NRXN3: variants seen among roughly 807,000 people sequenced by gnomAD.
NRXN3 encodes the protein neurexin 3.
Under a neutral mutation model 137.6 loss-of-function variants are expected in NRXN3, and 32 were observed. The observed-to-expected ratio is 0.23, with a 90% CI of 0.18 to 0.31. The LOEUF is 0.31. Among genes scored for constraint, NRXN3 ranks in the 10% least tolerant of loss-of-function variants. The pLI is 1.00. For synonymous variants in NRXN3, 798 were observed against 784.5 expected, an observed-to-expected ratio of 1.02 and a Z score of -0.29; for missense variants, 1,574 against 2,062.5, an observed-to-expected ratio of 0.76 and a Z score of 4.59.
chr14:78,756,903 T>C (rs1355414973), intron 8 of NRXN3, among the ~76,000 whole-genome samples: 1 of 152,224 alleles, frequency 6.6e-6, no homozygotes, highest in Non-Finnish European at 1.5e-5. Flanking sequence ...TTAGATTTGG[T>C]TGAAGGGAAA....
intron 19 of NRXN3, among the ~76,000 whole-genome samples, chr14:79,750,270 A>G (rs920293323): frequency 1.3e-5 from 2 of 152,154 alleles, no homozygotes; most frequent in African/African-American, 2.4e-5. Context: ...GAGAAGTAAT[A>G]AGACAATTTA....
At chr14:78,492,992 G>A (rs112634495) in intron 4 of NRXN3, among the ~76,000 whole-genome samples, 2,612 of 152,140 alleles carry the variant, frequency 0.017, 63 homozygotes, top group African/African-American at 0.052. Flanking sequence ...TTGTCTTTAT[G>A]TTTATCTTCA....
intron 10 of NRXN3, among the ~76,000 whole-genome samples, chr14:78,914,745 G>C (rs916511150): frequency 6.6e-6 from 1 of 152,072 alleles, no homozygotes; most frequent in Non-Finnish European, 1.5e-5. Context: ...GAGGACTTTG[G>C]GTTCTACTCT....
At chr14:78,215,620 A>C (rs1192020569) in intron 1 of NRXN3, among the ~76,000 whole-genome samples, 4 of 152,150 alleles carry the variant, frequency 2.6e-5, no homozygotes, top group African/African-American at 9.7e-5. Context: ...GGAGGTCTTT[A>C]TAAAGAGAAG....
chr14:79,601,706 A>C (rs546030828), intron 16 of NRXN3, among the ~76,000 whole-genome samples: 69 of 152,304 alleles, frequency 4.5e-4, no homozygotes, highest in African/African-American at 1.6e-3. Context: ...GTAACCTTAG[A>C]AGTCACTTTC....
intron 4 of NRXN3, among the ~76,000 whole-genome samples, chr14:78,573,553 G>T (rs1378442423): frequency 2.0e-5 from 3 of 152,192 alleles, no homozygotes; most frequent in Non-Finnish European, 2.9e-5. Context: ...TTTCACCCCT[G>T]CCCTAGACAT....
In NRXN3 at chr14:78,714,973, G is replaced by C. The variant is rs138908446; in HGVS notation, c.1878G>C (p.Leu626=). 3.1e-5 allele frequency: 50 copies of C among 1,614,080 alleles called. No individual in the cohort carries two copies. Among genetic ancestry groups the C allele is most frequent in the Non-Finnish European group, 4.2e-5 (49 of 1,180,038 alleles). The part of the protein sequence containing the change: ...IDGRSKNIRQ[L]AEMQNAAGVK... ...GGCGCAGCAAGAACATTCGACAGCT[G>C]GCAGAGATGCAGAATGCTGCGGGTG... The change falls in exon 8 of 21, where the codon CTG becomes CTC. Residue 626 remains leucine (L), a synonymous_variant. Transcript: ENST00000335750.
At position 78,673,387 on chromosome 14, in the gene NRXN3, G is replaced by A. The variant is rs548035837; in HGVS notation, c.1221+22061G>A. Among the ~76,000 whole-genome samples the A allele has an allele frequency of 3.3e-5, 5 of 152,322 alleles. No homozygotes were observed. In the South Asian group the frequency reaches 1.0e-3, roughly 32 times the overall value. Reference sequence around the variant, plus strand: ...GGGCAGCCAGGCAGTCCAAGCAATGGTTCAAGCCACTATTGATGCCAGCGG... The same window carrying A: ...GGGCAGCCAGGCAGTCCAAGCAATGATTCAAGCCACTATTGATGCCAGCGG... On this transcript the variant is annotated intron_variant, in intron 6 of 20. Transcript: ENST00000335750.
At chr14:78,663,910 T>C (rs1358125606) in intron 6 of NRXN3, among the ~76,000 whole-genome samples, 1 of 152,234 alleles carries the variant, frequency 6.6e-6, no homozygotes, top group Non-Finnish European at 1.5e-5. Flanking sequence ...ATTGAGCTAA[T>C]TAATTAGCTT....
chr14:79,092,326 A>C (rs988193916), intron 15 of NRXN3, among the ~76,000 whole-genome samples: 1 of 152,198 alleles, frequency 6.6e-6, no homozygotes, highest in Non-Finnish European at 1.5e-5. Flanking sequence ...CATGCTATTG[A>C]AAAAGGTTTC....
chr14:78,243,039 C>G lies in NRXN3; in HGVS notation c.-55C>G. On this transcript the variant is annotated 5_prime_UTR_variant, in exon 2 of 21. Coordinates refer to ENST00000335750, the MANE Select transcript of NRXN3 (RefSeq NM_001330195.2). This position sits in a 1 kb window ranked among gnomAD's most constrained non-coding sequence, Gnocchi z 4.2. Reference sequence around the variant, plus strand: ...TTCTATTGCCAAAGGGAGAGATCCTCTCCGGGCTGTTCCCTGGCCTGTCTG... The same window carrying G: ...TTCTATTGCCAAAGGGAGAGATCCTGTCCGGGCTGTTCCCTGGCCTGTCTG... 2.3e-6 allele frequency: 3 copies of G among 1,313,544 alleles called. No homozygotes were observed. The highest frequency in any genetic ancestry group is 3.1e-6 in the Non-Finnish European group (3 of 978,950). The allele number at this position is 1,313,544 out of a possible 1,614,324, so 81.4% of individuals were successfully genotyped here.
At chr14:78,528,556 T>G (rs1205031432) in intron 4 of NRXN3, among the ~76,000 whole-genome samples, 2 of 152,188 alleles carry the variant, frequency 1.3e-5, no homozygotes, top group Admixed American at 6.5e-5. Context: ...GAGCCAAGCA[T>G]GTATAATTTC....
chr14:79,307,894 C>A (rs1598512986), intron 15 of NRXN3, among the ~76,000 whole-genome samples: 1 of 151,924 alleles, frequency 6.6e-6, no homozygotes, highest in African/African-American at 2.4e-5. Context: ...GTACCAGTGG[C>A]TTAAACAACA....
At chr14:79,150,337 C>T (rs1298565318) in intron 15 of NRXN3, among the ~76,000 whole-genome samples, 1 of 151,898 alleles carries the variant, frequency 6.6e-6, no homozygotes, top group Admixed American at 6.6e-5. Flanking sequence ...ATAGCTGTCT[C>T]CGCCCCCACC....
intron 15 of NRXN3, among the ~76,000 whole-genome samples, chr14:79,153,188 G>A (rs2059957160): frequency 6.6e-6 from 1 of 151,794 alleles, no homozygotes; most frequent in African/African-American, 2.4e-5. Flanking sequence ...CCTACCAACT[G>A]ACCTGTATCA....
Position 79,161,801 on chromosome 14 carries a change from C to T in NRXN3, c.3262+173660C>T, listed in dbSNP as rs140220994. On this transcript the variant is annotated intron_variant, in intron 15 of 20. Transcript: ENST00000335750. The stretch of plus-strand genomic sequence containing the variant: ...TGTCCGTCGTCCTGAACGGGTCATG[C>T]TTTAATGAGGATAGACACAGGGTGC... 8.0e-3 allele frequency among the ~76,000 whole-genome samples: 1,223 copies of T among 151,986 alleles called. 4 individuals carry two copies. Among genetic ancestry groups the T allele is most frequent in the Middle Eastern group, 0.02 (6 of 294 alleles).
intron 16 of NRXN3, among the ~76,000 whole-genome samples, chr14:79,628,434 G>A (rs935461619): frequency 1.1e-4 from 16 of 152,150 alleles, no homozygotes; most frequent in Non-Finnish European, 1.0e-4. Flanking sequence ...GTCTCTAGGT[G>A]ACATCTGTAT....
At chr14:78,644,951 T>G (rs2097672221) in intron 4 of NRXN3, among the ~76,000 whole-genome samples, 169 bp from the exon 5 acceptor site, 1 of 152,234 alleles carries the variant, frequency 6.6e-6, no homozygotes, top group Non-Finnish European at 1.5e-5. Flanking sequence ...CTGCTGCTAG[T>G]TTCCCTGGTG....
At position 78,576,236 on chromosome 14, in the gene NRXN3, T is replaced by G. The variant is rs1270722595; in HGVS notation, c.758-68884T>G. On this transcript the variant is annotated intron_variant, in intron 4 of 20. Coordinates refer to ENST00000335750, the MANE Select transcript of NRXN3 (RefSeq NM_001330195.2). The stretch of plus-strand genomic sequence containing the variant: ...GACCTTTTCTCTTGGCATTTGTCTC[T>G]TCCTCTGCCCAGCCATTTCTGTGGC... Among the ~76,000 whole-genome samples the G allele has an allele frequency of 3.3e-5, 5 of 152,208 alleles. No individual in the cohort carries two copies. In the East Asian group the frequency reaches 9.6e-4, roughly 29 times the overall value.
Sources: allele counts gnomAD v4.1 joint callset (sites outside exome capture counted in the v4.1 genomes callset), GRCh38; gene constraint gnomAD v4.1.1; non-coding constraint Gnocchi (gnomAD v3.1); transcripts MANE v1.5; gene names NCBI Gene and HGNC (gene_info 2026-07-23, HGNC 2026-07-21).